ZCWPW2: variants seen among roughly 807,000 people sequenced by gnomAD.
The protein encoded by ZCWPW2 is zinc finger CW-type PWWP domain protein 2.
Under a neutral mutation model 46.6 loss-of-function variants are expected in ZCWPW2, and 45 were observed. The observed-to-expected ratio is 0.96, with a 90% CI of 0.76 to 1.24. The LOEUF is 1.24. Ranked by LOEUF, ZCWPW2 falls within the 50% of genes most tolerant of loss-of-function variation. The pLI is 0.00. For synonymous variants in ZCWPW2, 152 were observed against 137.1 expected (o/e 1.11, Z -0.76); for missense variants, 429 against 403.9 (o/e 1.06, Z -0.53).
rs763391484 is a variant in ZCWPW2, at chr3:28,524,576, A to C, written c.959A>C (p.His320Pro). The C allele has an allele frequency of 1.2e-6, 2 of 1,609,460 alleles. No homozygotes were observed. Among genetic ancestry groups the C allele is most frequent in the Non-Finnish European group, 1.7e-6 (2 of 1,177,900 alleles). ...EAPAGSLFEN[H>P]YEEDYLVIDG... ...CCTGCAGGCAGTCTGTTTGAAAACC[A>C]CTATGAAGAGGACTATCTTGTAATT... The change falls in exon 10 of 10, where the codon CAC (histidine) becomes CCC (proline). Residue 320 changes from histidine to proline, a missense_variant. Coordinates refer to ENST00000383768, the MANE Select transcript of ZCWPW2 (RefSeq NM_001040432.4).
intron 5 of ZCWPW2, among the ~76,000 whole-genome samples, chr3:28,483,109 G>A (rs1699485632): frequency 6.6e-6 from 1 of 152,024 alleles, no homozygotes; most frequent in Non-Finnish European, 1.5e-5. Flanking sequence ...TTATCTTCTA[G>A]GAGTTTTATA....
intron 6 of ZCWPW2, among the ~76,000 whole-genome samples, chr3:28,502,569 GA>G (rs1206233081): frequency 1.3e-5 from 2 of 152,072 alleles, no homozygotes; most frequent in Non-Finnish European, 2.9e-5. Flanking sequence ...TAGCAGAGTT[GA>G]AAACTCATTT....
chr3:28,466,196 G>A (rs1698815878), intron 4 of ZCWPW2, among the ~76,000 whole-genome samples: 1 of 152,102 alleles, frequency 6.6e-6, no homozygotes, highest in Non-Finnish European at 1.5e-5. Flanking sequence ...CTAGTAGGGT[G>A]GGAGGACAAT....
intron 2 of ZCWPW2, among the ~76,000 whole-genome samples, chr3:28,396,547 T>A (rs1253301943): frequency 6.6e-6 from 1 of 152,188 alleles, no homozygotes; most frequent in African/African-American, 2.4e-5. Context: ...GTGAAAACGA[T>A]GAAAATTAAA....
In ZCWPW2 at chr3:28,405,726, A is replaced by G. The variant is rs1696130717; in HGVS notation, c.-13-7330A>G. Among the ~76,000 whole-genome samples, 2 of 152,120 alleles carry G rather than the reference A, an allele frequency of 1.3e-5. 1 individual carries two copies. The highest frequency in any genetic ancestry group is 1.3e-4 in the Admixed American group (2 of 15,266). ...CCTGACCGTGTGATCTGCCTGCCTC[A>G]GCCTCCCAAAGTGCTGGGATTATAG... On this transcript the variant is annotated intron_variant, in intron 2 of 9. Coordinates refer to ENST00000383768, the MANE Select transcript of ZCWPW2 (RefSeq NM_001040432.4).
intron 1 of ZCWPW2, among the ~76,000 whole-genome samples, chr3:28,379,257 C>T (rs1705593575): frequency 2.0e-5 from 3 of 152,166 alleles, no homozygotes; most frequent in East Asian, 1.9e-4. Context: ...TGGAGATATC[C>T]TTGTAAAGCC....
rs1695073203 is a variant in ZCWPW2, at chr3:28,381,025, GTATATATATATATATATATTTGGTGTATA to G, written c.-133-9453_-133-9425del. The stretch of plus-strand genomic sequence containing the variant: ...GTATATATATATATATATATATTTG[GTATATATATATATATATATTTGGTGTATA>G]TATATATATATATATATATATATAT... On this transcript the variant is annotated intron_variant, in intron 1 of 9. Coordinates refer to ENST00000383768, the MANE Select transcript of ZCWPW2 (RefSeq NM_001040432.4). Among the ~76,000 whole-genome samples, 16 of 7,026 alleles carry G rather than the reference GTATATATATATATATATATTTGGTGTATA, an allele frequency of 2.3e-3. 3 individuals carry two copies. Among genetic ancestry groups the G allele is most frequent in the African/African-American group, 0.013 (15 of 1,200 alleles). 4.6% of individuals were successfully genotyped at this position (7,026 alleles called of 152,430 possible).
At chr3:28,404,665 C>G (rs1402118155) in intron 2 of ZCWPW2, among the ~76,000 whole-genome samples, 1 of 151,990 alleles carries the variant, frequency 6.6e-6, no homozygotes, top group African/African-American at 2.4e-5. Flanking sequence ...AAACAAGAAA[C>G]AGTGATATAT....
chr3:28,414,275 T>C (rs879589831), intron 3 of ZCWPW2, among the ~76,000 whole-genome samples: 37 of 151,830 alleles, frequency 2.4e-4, no homozygotes, highest in Admixed American at 1.9e-3. Flanking sequence ...TCTAGTTTAG[T>C]CTTTCTTGTC....
chr3:28,369,764 A>G (rs1014103645), intron 1 of ZCWPW2, among the ~76,000 whole-genome samples: 5 of 152,322 alleles, frequency 3.3e-5, no homozygotes, highest in East Asian at 3.9e-4. Context: ...GGTGGAGTCT[A>G]CAGAGGCAGG....
intron 2 of ZCWPW2, among the ~76,000 whole-genome samples, chr3:28,401,551 A>C (rs1463162498): frequency 6.6e-6 from 1 of 152,200 alleles, no homozygotes; most frequent in African/African-American, 2.4e-5. Flanking sequence ...CAACAAAGAA[A>C]CAATGGTTTT....
intron 2 of ZCWPW2, among the ~76,000 whole-genome samples, chr3:28,412,778 A>G (rs1696454717): frequency 6.6e-6 from 1 of 152,066 alleles, no homozygotes; most frequent in African/African-American, 2.4e-5. Flanking sequence ...TTAGGTTAAT[A>G]GAAATTATAG....
Position 28,413,188 on chromosome 3 carries a change from A to G in ZCWPW2, c.120A>G (p.Lys40=), listed in dbSNP as rs867073407. ...AATGTGAGAATGAAAATTGTTTGAA[A>G]TGGAGATTGTTATCAAGTGAGGATT... ...WVQCENENCL[K]WRLLSSEDSA... Residue 40 remains lysine (K), a synonymous_variant, in exon 3 of 10, where the codon AAA becomes AAG. Transcript: ENST00000383768. 2 of 1,613,404 alleles carry G rather than the reference A, an allele frequency of 1.2e-6. No individual in the cohort carries two copies. Among genetic ancestry groups the G allele is most frequent in the Middle Eastern group, 1.7e-4 (1 of 6,052 alleles).
chr3:28,433,730 T>C (rs549506017), intron 3 of ZCWPW2, among the ~76,000 whole-genome samples: 1 of 150,330 alleles, frequency 6.7e-6, no homozygotes, highest in Admixed American at 6.6e-5. Flanking sequence ...GACTCCAGCC[T>C]GGGTGACAGA....
intron 1 of ZCWPW2, among the ~76,000 whole-genome samples, chr3:28,353,277 A>G (rs1160965988): frequency 6.6e-6 from 1 of 152,188 alleles, no homozygotes; most frequent in Non-Finnish European, 1.5e-5. Flanking sequence ...TAATGAGGTC[A>G]CAGTATTAGA....
chr3:28,513,894 T>C (rs1476265292), intron 6 of ZCWPW2, among the ~76,000 whole-genome samples, 170 bp from the exon 7 acceptor site: 2 of 151,880 alleles, frequency 1.3e-5, no homozygotes, highest in Non-Finnish European at 2.9e-5. Flanking sequence ...AGCTGATCCA[T>C]GCAATTGCCG....
intron 4 of ZCWPW2, among the ~76,000 whole-genome samples, chr3:28,472,863 A>G (rs886160709): frequency 6.6e-6 from 1 of 152,022 alleles, no homozygotes; most frequent in East Asian, 1.9e-4. Flanking sequence ...TAAGAAGCTC[A>G]AACAGTTCTA....
chr3:28,515,340 T>C lies in ZCWPW2; in HGVS notation c.717-214T>C, dbSNP rs151025319. 4.9e-3 allele frequency among the ~76,000 whole-genome samples: 743 copies of C among 152,300 alleles called. 9 individuals carry two copies. The highest frequency in any genetic ancestry group is 0.017 in the African/African-American group (693 of 41,570). The stretch of plus-strand genomic sequence containing the variant: ...CCAGTGTAAGGTGCTTGGTAAATTG[T>C]TAATGCTTTGCACCTAGTGAGAGCT... On this transcript the variant is annotated intron_variant, in intron 7 of 9. Coordinates refer to ENST00000383768, the MANE Select transcript of ZCWPW2 (RefSeq NM_001040432.4).
Position 28,509,959 on chromosome 3 carries a change from A to G in ZCWPW2, c.658-4105A>G, listed in dbSNP as rs142627084. Among the ~76,000 whole-genome samples, 104 of 152,250 alleles carry G rather than the reference A, an allele frequency of 6.8e-4. 2 individuals carry two copies. The highest frequency in any genetic ancestry group is 2.3e-3 in the African/African-American group (97 of 41,552). On this transcript the variant is annotated intron_variant, in intron 6 of 9. Coordinates refer to ENST00000383768, the MANE Select transcript of ZCWPW2 (RefSeq NM_001040432.4). ...GTTGTAAGTTTTATCTCTAACGTTT[A>G]CATTTTTGGTCCATTTTAACTTTTA...
Sources: gnomAD v4.1 joint callset for allele counts (sites outside exome capture counted in the v4.1 genomes callset) on GRCh38, gnomAD v4.1.1 for gene constraint, MANE v1.5 for transcripts, NCBI Gene and HGNC (gene_info 2026-07-23, HGNC 2026-07-21) for gene names.